The following AKR1B15 variants were observed in gnomAD, a reference collection of about 807,000 sequenced individuals.
The protein encoded by AKR1B15 is aldo-keto reductase family 1 member B15.
AKR1B15 carries 49 observed loss-of-function variants against 38.5 expected under a neutral mutation model. The observed-to-expected ratio is 1.27, with a 90% CI of 1.01 to 1.62. The LOEUF (loss-of-function observed/expected upper bound fraction) is 1.62. Ranked by LOEUF, AKR1B15 falls within the 40% of genes most tolerant of loss-of-function variation. The pLI is 0.00. For missense variants in AKR1B15, 411 were observed against 381.6 expected, an observed-to-expected ratio of 1.08 and a Z score of -0.64; for synonymous variants, 137 against 135.5, an observed-to-expected ratio of 1.01 and a Z score of -0.08.
intron 3 of AKR1B15, chr7:134,565,504 T>A (rs374058456): frequency 6.2e-7 from 1 of 1,613,810 alleles, no homozygotes; most frequent in Non-Finnish European, 8.5e-7. Context: ...TGGAGCTCAG[T>A]ACAAAAGCCA....
intron 6 of AKR1B15, among the ~76,000 whole-genome samples, chr7:134,573,813 C>T (rs1307763950): frequency 6.6e-6 from 1 of 152,186 alleles, no homozygotes; most frequent in African/African-American, 2.4e-5. Flanking sequence ...ATTAGAATCA[C>T]CTGAGGAATT....
intron 6 of AKR1B15, among the ~76,000 whole-genome samples, chr7:134,572,798 A>G (rs1381959831): frequency 6.6e-6 from 1 of 152,234 alleles, no homozygotes; most frequent in African/African-American, 2.4e-5. Context: ...AAATGCTAAT[A>G]GAGAACGAAT....
At chr7:134,578,359 C>G (rs1385279418) in intron 11 of AKR1B15, among the ~76,000 whole-genome samples, 1 of 152,094 alleles carries the variant, frequency 6.6e-6, no homozygotes, top group Non-Finnish European at 1.5e-5. Context: ...GAAGAGCATT[C>G]TTGGCAGTGA....
chr7:134,575,072 C>T (rs1272975609), intron 6 of AKR1B15, among the ~76,000 whole-genome samples: 1 of 152,178 alleles, frequency 6.6e-6, no homozygotes, highest in Non-Finnish European at 1.5e-5. Context: ...ATCTCATAAG[C>T]TTACAAATGT....
At chr7:134,575,635 C>T (rs1240328442) in intron 7 of AKR1B15, 93 bp downstream of exon 7, 2 of 1,584,692 alleles carry the variant, frequency 1.3e-6, no homozygotes, top group African/African-American at 2.7e-5. Flanking sequence ...TGAGTCTTAT[C>T]TCAGGGGTCA....
intron 4 of AKR1B15, among the ~76,000 whole-genome samples, chr7:134,568,726 G>A (rs1458064619): frequency 6.6e-6 from 1 of 152,082 alleles, no homozygotes; most frequent in Non-Finnish European, 1.5e-5. Flanking sequence ...AAAACAGTAG[G>A]AGCACTTTTC....
intron 2 of AKR1B15, among the ~76,000 whole-genome samples, chr7:134,560,145 C>A (rs1199462064): frequency 6.6e-6 from 1 of 151,888 alleles, no homozygotes; most frequent in Non-Finnish European, 1.5e-5. Flanking sequence ...TTCCTTGTAA[C>A]AAATCCCCTC....
chr7:134,554,805 C>T (rs942761243), intron 1 of AKR1B15, among the ~76,000 whole-genome samples: 1 of 152,194 alleles, frequency 6.6e-6, no homozygotes, highest in Admixed American at 6.5e-5. Flanking sequence ...GAAATCATCC[C>T]TCAACATGGA....
chr7:134,569,669 A>G, intron 5 of AKR1B15, 140 bp downstream of exon 5: 1 of 841,768 alleles, frequency 1.2e-6, no homozygotes, highest in East Asian at 2.5e-5. Context: ...AATTCCCCAC[A>G]TTAATGTTTT....
intron 2 of AKR1B15, among the ~76,000 whole-genome samples, chr7:134,558,499 T>C (rs11761038): frequency 0.04 from 6,116 of 152,268 alleles, 151 homozygotes; most frequent in South Asian, 0.075. Flanking sequence ...CATTAAGAAG[T>C]TAGCACAGGT....
At chr7:134,562,387 C>A (rs2117638943) in intron 2 of AKR1B15, among the ~76,000 whole-genome samples, 1 of 152,248 alleles carries the variant, frequency 6.6e-6, no homozygotes, top group African/African-American at 2.4e-5. Flanking sequence ...TTTGTCCCTA[C>A]CCACTTCCTG....
rs942356630 is a variant in AKR1B15 at position 134,571,806 on chromosome 7, C to T, written c.513+125C>T. 34 of 777,998 alleles carry T rather than the reference C, an allele frequency of 4.4e-5. No individual in the cohort carries two copies. In the African/African-American group the frequency reaches 5.4e-4, roughly 12 times the overall value. 48.2% of individuals were successfully genotyped at this position (777,998 alleles called of 1,614,324 possible). On this transcript the variant is annotated intron_variant, in intron 6 of 11. Coordinates refer to ENST00000457545, the MANE Select transcript of AKR1B15 (RefSeq NM_001080538.3). ...ATTTCATCATTGTGATTCTCTAGCT[C>T]TTCTAATATCCTCCTCATCACCTTT...
chr7:134,577,228 A>T (rs1794785350), intron 10 of AKR1B15, among the ~76,000 whole-genome samples, 182 bp downstream of exon 10: 1 of 152,202 alleles, frequency 6.6e-6, no homozygotes, highest in Admixed American at 6.5e-5. Flanking sequence ...CCATGGGCTA[A>T]GAACATCCTG....
chr7:134,555,224 C>T (rs1021934013), intron 1 of AKR1B15, among the ~76,000 whole-genome samples: 28 of 152,068 alleles, frequency 1.8e-4, no homozygotes, highest in African/African-American at 6.8e-4. Context: ...CAGGGGAGCA[C>T]ACCCCAGCCC....
chr7:134,578,858 A>G (rs1214125879), intron 11 of AKR1B15, among the ~76,000 whole-genome samples: 1 of 152,198 alleles, frequency 6.6e-6, no homozygotes, highest in African/African-American at 2.4e-5. Flanking sequence ...AGTAAAAAGG[A>G]AGGGTGAACA....
intron 6 of AKR1B15, among the ~76,000 whole-genome samples, chr7:134,574,218 T>C (rs1794717854): frequency 6.6e-6 from 1 of 152,142 alleles, no homozygotes; most frequent in African/African-American, 2.4e-5. Flanking sequence ...TCACTAGTGA[T>C]TCCAAATTGC....
chr7:134,579,419 C>T (rs959743843), intron 11 of AKR1B15, 88 bp from the exon 12 acceptor site: 2 of 1,168,764 alleles, frequency 1.7e-6, no homozygotes, highest in African/African-American at 1.6e-5. Context: ...ACAAATACCA[C>T]AGAGTCCACC....
intron 2 of AKR1B15, among the ~76,000 whole-genome samples, chr7:134,559,346 A>G (rs951495942): frequency 3.3e-5 from 5 of 152,142 alleles, no homozygotes; most frequent in Non-Finnish European, 7.4e-5. Flanking sequence ...TGGTGGACTA[A>G]TAAGTACAAA....
intron 3 of AKR1B15, among the ~76,000 whole-genome samples, chr7:134,566,384 G>T (rs2117650201): frequency 6.6e-6 from 1 of 152,294 alleles, no homozygotes; most frequent in South Asian, 2.1e-4. Context: ...TTCCCTAGGT[G>T]GTTCCTGTAC....
Sources: allele counts gnomAD v4.1 joint callset (sites outside exome capture counted in the v4.1 genomes callset), GRCh38; gene constraint gnomAD v4.1.1; transcripts MANE v1.5; gene names NCBI Gene and HGNC (gene_info 2026-07-23, HGNC 2026-07-21).